The following PPP2R3A variants were observed in gnomAD, a reference collection of about 807,000 sequenced individuals.
PPP2R3A encodes the protein protein phosphatase 2 regulatory subunit B''alpha, also known as serine/threonine-protein phosphatase 2A regulatory subunit B'' subunit alpha.
Under a neutral mutation model 106.9 loss-of-function variants are expected in PPP2R3A, and 80 were observed. The observed-to-expected ratio is 0.75, with a 90% CI of 0.62 to 0.90. The LOEUF is 0.90. Ranked by LOEUF, PPP2R3A falls within the 40% of genes least tolerant of loss-of-function variation. PPP2R3A has a pLI of 0.00. For missense variants in PPP2R3A, 1,386 were observed against 1,350.4 expected (o/e 1.03, Z -0.41); for synonymous variants, 483 against 468.3 (o/e 1.03, Z -0.41).
intron 7 of PPP2R3A, among the ~76,000 whole-genome samples, chr3:136,080,876 TGTTA>T (rs1485275668): frequency 6.6e-6 from 1 of 152,254 alleles, no homozygotes; most frequent in Non-Finnish European, 1.5e-5. Context: ...TTTATGTTGT[TGTTA>T]GTTTGCCAGA....
In PPP2R3A at chr3:136,145,120, G is replaced by A. The variant is rs766932243; in HGVS notation, c.3407G>A (p.Ser1136Asn). 1 of 1,613,758 alleles carries A rather than the reference G, an allele frequency of 6.2e-7. No homozygotes were observed. The highest frequency in any genetic ancestry group is 1.1e-5 in the South Asian group (1 of 91,010). ...AAAAGCAATAAAATATTAAGTGCAA[G>A]CCTTCCAGAGAAATGTGGAAAGCTT... is the stretch of plus-strand genomic sequence containing the variant. ...GNKSNKILSA[S>N]LPEKCGKLQS... The change falls in exon 14 of 14, where the codon AGC becomes AAC. Residue 1136 changes from serine to asparagine, a missense_variant. By Grantham distance (46) the Ser-to-Asn change is conservative. Coordinates refer to ENST00000264977, the MANE Select transcript of PPP2R3A (RefSeq NM_002718.5).
chr3:136,041,890 T>C (rs1457322047), intron 4 of PPP2R3A, among the ~76,000 whole-genome samples: 2 of 152,136 alleles, frequency 1.3e-5, no homozygotes, highest in Admixed American at 1.3e-4. Context: ...TCTTTAGGAG[T>C]TATTTTTTGG....
At chr3:136,009,180 GC>G (rs113097765) in intron 2 of PPP2R3A, among the ~76,000 whole-genome samples, 3 of 152,080 alleles carry the variant, frequency 2.0e-5, no homozygotes, top group African/African-American at 7.2e-5. Flanking sequence ...GGATACTGTA[GC>G]CAGTGAAATG....
chr3:136,079,164 G>A (rs775049354), intron 7 of PPP2R3A: 4 of 453,846 alleles, frequency 8.8e-6, no homozygotes, highest in South Asian at 6.2e-5. Context: ...ATGAAGACTT[G>A]GCAAAATTAG....
intron 13 of PPP2R3A, among the ~76,000 whole-genome samples, chr3:136,136,017 G>A (rs1264093930): frequency 1.6e-5 from 2 of 125,208 alleles, no homozygotes; most frequent in East Asian, 2.3e-4. Flanking sequence ...TTGCACTCCA[G>A]CCTGGGCAAC....
chr3:136,102,273 C>T (rs1278991893), intron 11 of PPP2R3A, 91 bp downstream of exon 11: 3 of 1,391,892 alleles, frequency 2.2e-6, no homozygotes, highest in Non-Finnish European at 2.9e-6. Context: ...TTTAACATTT[C>T]AGAGTCTTGA....
At chr3:135,995,447 A>ATTTTTTTTTTTTTTTTTTTTT (rs60359404) in intron 1 of PPP2R3A, among the ~76,000 whole-genome samples, 1 of 87,306 alleles carries the variant, frequency 1.1e-5, no homozygotes, top group Non-Finnish European at 2.1e-5. Context: ...ACGTTGACAG[A>ATTTTTTTTTTTTTTTTTTTTT]TTTTTTTTTT....
chr3:136,117,430 CAATG>C (rs1937812838), intron 13 of PPP2R3A, among the ~76,000 whole-genome samples: 1 of 152,042 alleles, frequency 6.6e-6, no homozygotes, highest in South Asian at 2.1e-4. Flanking sequence ...TTCGAAAAAT[CAATG>C]AATCCAGGAG....
chr3:136,118,400 T>G (rs771309217), intron 13 of PPP2R3A, among the ~76,000 whole-genome samples: 4 of 152,158 alleles, frequency 2.6e-5, no homozygotes, highest in Non-Finnish European at 5.9e-5. Context: ...CAGAAAGAAA[T>G]AAATGGTATT....
At chr3:136,114,839 G>A (rs542318708) in intron 13 of PPP2R3A, among the ~76,000 whole-genome samples, 1 of 152,274 alleles carries the variant, frequency 6.6e-6, no homozygotes, top group African/African-American at 2.4e-5. Context: ...GGGGGAAGGG[G>A]CAACTGTGGG....
intron 10 of PPP2R3A, among the ~76,000 whole-genome samples, chr3:136,101,028 T>C (rs1937346722): frequency 6.6e-6 from 1 of 151,964 alleles, no homozygotes; most frequent in Non-Finnish European, 1.5e-5. Flanking sequence ...AAACAAAGAA[T>C]GAGGAAAATG....
At chr3:136,032,770 G>A (rs754440417) in intron 3 of PPP2R3A, among the ~76,000 whole-genome samples, 7 of 152,052 alleles carry the variant, frequency 4.6e-5, no homozygotes, top group African/African-American at 1.2e-4. Flanking sequence ...TCCTGACCTC[G>A]TGATCTGCCC....
chr3:136,130,500 A>T (rs1488651651), intron 13 of PPP2R3A, among the ~76,000 whole-genome samples: 1 of 152,216 alleles, frequency 6.6e-6, no homozygotes, highest in Admixed American at 6.5e-5. Context: ...CTGCTCAATG[A>T]AATAAAAGAG....
intron 13 of PPP2R3A, among the ~76,000 whole-genome samples, chr3:136,116,690 G>C (rs1937776315): frequency 6.6e-6 from 1 of 152,174 alleles, no homozygotes; most frequent in South Asian, 2.1e-4. Flanking sequence ...AAGAAGAGCT[G>C]ACTGTCGTAA....
chr3:136,030,761 CATATATATATAT>C (rs374923726), intron 3 of PPP2R3A, among the ~76,000 whole-genome samples: 1 of 100,350 alleles, frequency 1.0e-5, no homozygotes, highest in Admixed American at 9.5e-5. Flanking sequence ...TATTCCATCA[CATATATATATAT>C]ATATATATGT....
intron 13 of PPP2R3A, among the ~76,000 whole-genome samples, chr3:136,121,386 T>C (rs889509425): frequency 1.3e-5 from 2 of 152,118 alleles, no homozygotes; most frequent in Non-Finnish European, 2.9e-5. Flanking sequence ...AAACATTGAA[T>C]ACACATGCAC....
chr3:136,093,585 G>A (rs575764977), intron 10 of PPP2R3A, among the ~76,000 whole-genome samples: 2 of 152,166 alleles, frequency 1.3e-5, no homozygotes, highest in African/African-American at 4.8e-5. Flanking sequence ...TTAAAAAATG[G>A]ACAAAGGATC....
At chr3:135,981,035 C>T (rs7625177) in intron 1 of PPP2R3A, among the ~76,000 whole-genome samples, 96,583 of 151,670 alleles carry the variant, frequency 0.64, 32,719 homozygotes, top group African/African-American at 0.86. Context: ...GACAGAATGT[C>T]CTAAAATGTT....
chr3:136,039,863 AAAGG>A (rs922324428), intron 3 of PPP2R3A, among the ~76,000 whole-genome samples: 58 of 152,268 alleles, frequency 3.8e-4, no homozygotes, highest in African/African-American at 1.3e-3. Context: ...TTTTTAATTG[AAAGG>A]AAGAGCTTTT....
Sources: allele counts gnomAD v4.1 joint callset (sites outside exome capture counted in the v4.1 genomes callset), GRCh38; gene constraint gnomAD v4.1.1; transcripts MANE v1.5; gene names NCBI Gene and HGNC (gene_info 2026-07-23, HGNC 2026-07-21).